TMEM220: variants seen among roughly 807,000 people sequenced by gnomAD.
TMEM220 encodes transmembrane protein 220.
TMEM220 carries 21 observed loss-of-function variants against 21.7 expected under a neutral mutation model. The observed-to-expected ratio is 0.97, with a 90% CI of 0.69 to 1.39. TMEM220 has a LOEUF of 1.39. Ranked by LOEUF, TMEM220 falls within the 40% of genes most tolerant of loss-of-function variation. TMEM220 has a pLI of 0.00. For missense variants in TMEM220, 191 were observed against 201.9 expected (o/e 0.95, Z 0.33); for synonymous variants, 80 against 73.6 (o/e 1.09, Z -0.45).
downstream of TMEM220, among the ~76,000 whole-genome samples, chr17:10,712,571 A>G (rs914625861): frequency 6.6e-6 from 1 of 152,228 alleles, no homozygotes; most frequent in Non-Finnish European, 1.5e-5. Context: ...CTGTCACACA[A>G]AGAAAGGACT....
chr17:10,718,349 T>C (rs550364809), intron 5 of TMEM220, among the ~76,000 whole-genome samples: 1 of 152,184 alleles, frequency 6.6e-6, no homozygotes, highest in South Asian at 2.1e-4. Context: ...TGCTCTTTTT[T>C]CCTTTTTGTC....
At chr17:10,726,469 C>T in intron 2 of TMEM220, 1 of 602,012 alleles carries the variant, frequency 1.7e-6, no homozygotes, top group South Asian at 1.9e-5. Context: ...ATCTACCTTC[C>T]TCCTAGACTA....
rs2074870283 is a variant in TMEM220, at chr17:10,713,442, T to A, written c.*2011A>T. 6.6e-6 allele frequency: 1 copy of A among 152,140 alleles called. No individual in the cohort carries two copies. The allele number at this position is 152,140 out of a possible 1,614,324, so 9.4% of individuals were successfully genotyped here. Reference sequence around the variant, plus strand: ...AGTCACATAATTTCGTAGTCTGATATGGGAGAGGCATACATGATGAAAGCA... The same window carrying A: ...AGTCACATAATTTCGTAGTCTGATAAGGGAGAGGCATACATGATGAAAGCA... On this transcript the variant is annotated 3_prime_UTR_variant, in exon 6 of 6. Coordinates refer to ENST00000341871, the MANE Select transcript of TMEM220 (RefSeq NM_001004313.3).
chr17:10,719,352 C>T (rs1347613466), intron 5 of TMEM220, among the ~76,000 whole-genome samples: 1 of 152,192 alleles, frequency 6.6e-6, no homozygotes, highest in East Asian at 1.9e-4. Flanking sequence ...TCTCGGCTCA[C>T]TGCAACCTCC....
intron 5 of TMEM220, among the ~76,000 whole-genome samples, chr17:10,721,426 T>A (rs1299636569): frequency 6.6e-6 from 1 of 151,970 alleles, no homozygotes; most frequent in African/African-American, 2.4e-5. Flanking sequence ...CTGGCCAACA[T>A]GGTGAAACCC....
At chr17:10,716,049 C>T (rs1319965738) in intron 5 of TMEM220, 24 of 636,654 alleles carry the variant, frequency 3.8e-5, no homozygotes, top group Non-Finnish European at 6.9e-5. Context: ...TCCCACCCCC[C>T]CATGTCCACA....
At chr17:10,722,214 C>G (rs546663372) in intron 5 of TMEM220, among the ~76,000 whole-genome samples, 1 of 152,106 alleles carries the variant, frequency 6.6e-6, no homozygotes, top group Non-Finnish European at 1.5e-5. Flanking sequence ...AGGCTGGTCT[C>G]GAACTCCTGA....
chr17:10,712,554 A>C (rs1307807886), downstream of TMEM220, among the ~76,000 whole-genome samples: 2 of 152,256 alleles, frequency 1.3e-5, no homozygotes, highest in Non-Finnish European at 2.9e-5. Flanking sequence ...CAAGTGTGTG[A>C]AATTTGCTGT....
At position 10,729,064 on chromosome 17, in the gene TMEM220, G is replaced by A; in HGVS notation, c.73-4C>T. The A allele has an allele frequency of 6.2e-7, 1 of 1,614,146 alleles. No homozygotes were observed. The highest frequency in any genetic ancestry group is 8.5e-7 in the Non-Finnish European group (1 of 1,180,030). ...CCTCTGCATCTGGGTCATTTACCTGGAACGCCAGAATACCAAGGTGTTAGC... is the reference window on the plus strand; with the variant it reads ...CCTCTGCATCTGGGTCATTTACCTGAAACGCCAGAATACCAAGGTGTTAGC... On this transcript the variant is annotated splice_region_variant and splice_polypyrimidine_tract_variant and intron_variant, in intron 1 of 5. Coordinates refer to ENST00000341871, the MANE Select transcript of TMEM220 (RefSeq NM_001004313.3).
chr17:10,724,284 A>G (rs1020584950), intron 4 of TMEM220, among the ~76,000 whole-genome samples: 22 of 152,334 alleles, frequency 1.4e-4, no homozygotes, highest in African/African-American at 4.8e-4. Context: ...AGGTTGACTT[A>G]AAGTACTGAT....
intron 5 of TMEM220, chr17:10,716,566 G>C (rs1038019683): frequency 1.8e-6 from 1 of 565,782 alleles, no homozygotes; most frequent in Non-Finnish European, 3.5e-6. Flanking sequence ...GCACCACCGC[G>C]GTCTGCACCC....
chr17:10,727,963 C>A (rs2075066868), intron 2 of TMEM220, among the ~76,000 whole-genome samples: 2 of 152,070 alleles, frequency 1.3e-5, no homozygotes, highest in South Asian at 4.2e-4. Flanking sequence ...GAGTTCAAGA[C>A]CAGCTTGACC....
chr17:10,723,057 T>G (rs2075010464), intron 5 of TMEM220, among the ~76,000 whole-genome samples: 1 of 151,000 alleles, frequency 6.6e-6, no homozygotes, highest in Non-Finnish European at 1.5e-5. Context: ...CTTGGCTCAC[T>G]GCAACCTCTG....
At chr17:10,711,147 T>C (rs1360763069), downstream of TMEM220, 1 of 1,588,410 alleles carries the variant, frequency 6.3e-7, no homozygotes, top group African/African-American at 1.4e-5. Flanking sequence ...ATTGTTAGTC[T>C]AATTTATTTT....
At position 10,723,223 on chromosome 17, in the gene TMEM220, C is replaced by T. The variant is rs535983354; in HGVS notation, c.347+47G>A. 1.7e-3 allele frequency: 2,672 copies of T among 1,547,026 alleles called. 48 individuals are homozygous for T. The South Asian group carries it at 0.028, about 16-fold the overall frequency. On this transcript the variant is annotated intron_variant, in intron 5 of 5. Coordinates refer to ENST00000341871, the MANE Select transcript of TMEM220 (RefSeq NM_001004313.3). ...CTTGATCTCCTGACCTCGTGATCTG[C>T]CCGCCTCGGCCTCCCAAAGTGAAGA...
intron 5 of TMEM220, among the ~76,000 whole-genome samples, chr17:10,719,459 GA>G (rs2074962587): frequency 6.6e-6 from 1 of 152,040 alleles, no homozygotes; most frequent in Non-Finnish European, 1.5e-5. Flanking sequence ...GTAGAGACAG[GA>G]TTGCACCATT....
chr17:10,721,237 A>G (rs1277011656), intron 5 of TMEM220, among the ~76,000 whole-genome samples: 2 of 152,200 alleles, frequency 1.3e-5, no homozygotes, highest in Admixed American at 6.5e-5. Flanking sequence ...GCAGACCTGA[A>G]TAAGTGCCAC....
chr17:10,725,306 T>C (rs1267899456), intron 3 of TMEM220, among the ~76,000 whole-genome samples, 172 bp from the exon 4 acceptor site: 1 of 152,206 alleles, frequency 6.6e-6, no homozygotes, highest in African/African-American at 2.4e-5. Context: ...GCACTAATTA[T>C]AAACTTCAGT....
At position 10,715,738 on chromosome 17, in the gene TMEM220, A is replaced by C. The variant is rs185133065; in HGVS notation, c.348-150T>G. 1.3e-3 allele frequency: 684 copies of C among 547,018 alleles called. 2 individuals are homozygous for C. The highest frequency in any genetic ancestry group is 0.012 in the African/African-American group (612 of 50,820). 33.9% of individuals were successfully genotyped at this position (547,018 alleles called of 1,614,324 possible). A position where few individuals can be genotyped will look rare whatever the true frequency, so the allele number is the denominator to read the frequency against. On this transcript the variant is annotated intron_variant, in intron 5 of 5. Coordinates refer to ENST00000341871, the MANE Select transcript of TMEM220 (RefSeq NM_001004313.3). ...AATATAACATTGATTTATAGAAATT[A>C]TTTATATATATGCTAAATATAAATC...
Sources: gnomAD v4.1 joint callset for allele counts (sites outside exome capture counted in the v4.1 genomes callset) on GRCh38, gnomAD v4.1.1 for gene constraint, MANE v1.5 for transcripts, NCBI Gene and HGNC (gene_info 2026-07-23, HGNC 2026-07-21) for gene names.